Variants in OVCH1 observed in about 807,000 individuals in gnomAD.
OVCH1 encodes ovochymase 1.
OVCH1 carries 139 observed loss-of-function variants against 138.4 expected under a neutral mutation model. The ratio of observed to expected loss-of-function variants is 1.00; its 90% CI spans 0.87 to 1.16. The LOEUF is 1.16. Among genes scored for constraint, OVCH1 ranks in the 50% most tolerant of loss-of-function variants. The pLI is 0.00. For synonymous variants in OVCH1, 453 were observed against 467.8 expected (o/e 0.97, Z 0.41); for missense variants, 1,367 against 1,357.9 (o/e 1.01, Z -0.11).
chr12:29,496,677 G>A lies in OVCH1; in HGVS notation c.65-3C>T. On this transcript the variant is annotated splice_region_variant and splice_polypyrimidine_tract_variant and intron_variant, in intron 1 of 27. Coordinates refer to ENST00000318184, the Ensembl canonical transcript of OVCH1. The stretch of plus-strand genomic sequence containing the variant: ...CATGCGAATTCCACACTTCAGTCCT[G>A]TGTAGAAGAGCATGTGTGTGTGCAC... 1 of 1,593,114 alleles carries A rather than the reference G, an allele frequency of 6.3e-7. No individual in the cohort carries two copies. The highest frequency in any genetic ancestry group is 8.6e-7 in the Non-Finnish European group (1 of 1,163,312).
chr12:29,450,039 C>A (rs952685239), intron 22 of OVCH1, among the ~76,000 whole-genome samples: 2 of 152,020 alleles, frequency 1.3e-5, no homozygotes, highest in East Asian at 3.9e-4. Context: ...AAGACTTAAA[C>A]GTAAGACCTA....
At chr12:29,477,197 C>T in exon 12 of OVCH1, 3 of 1,613,826 alleles carry the variant, frequency 1.9e-6, no homozygotes, top group Non-Finnish European at 2.5e-6. Context: ...TTTGTCCCTT[C>T]TTCTACCAAT....
At chr12:29,435,655 C>A (rs922040657) in intron 26 of OVCH1, among the ~76,000 whole-genome samples, 3 of 152,146 alleles carry the variant, frequency 2.0e-5, no homozygotes, top group African/African-American at 7.2e-5. Context: ...CACCCGGAGG[C>A]CCCGTGACTT....
intron 26 of OVCH1, among the ~76,000 whole-genome samples, chr12:29,436,681 T>C (rs1941366897): frequency 6.6e-6 from 1 of 151,200 alleles, no homozygotes; most frequent in African/African-American, 2.5e-5. Flanking sequence ...TCTTGCTGAC[T>C]TCAGGAGTGA....
the OVCH1 span, among the ~76,000 whole-genome samples, chr12:29,403,440 C>G: frequency 2.0e-5 from 3 of 152,184 alleles, no homozygotes; most frequent in African/African-American, 7.2e-5. Context: ...TTCTTAGAAA[C>G]CAAATGATAC....
intron 27 of OVCH1, among the ~76,000 whole-genome samples, chr12:29,433,361 C>T (rs1941303421): frequency 6.6e-6 from 1 of 152,180 alleles, no homozygotes; most frequent in Admixed American, 6.5e-5. Context: ...AGCACACGCT[C>T]TCTTGCCTGC....
At chr12:29,479,489 A>G (rs1942854933) in intron 8 of OVCH1, among the ~76,000 whole-genome samples, 1 of 152,238 alleles carries the variant, frequency 6.6e-6, no homozygotes, top group Non-Finnish European at 1.5e-5. Context: ...TTGAGATAGT[A>G]GTCTTATGTA....
chr12:29,420,487 T>TAAAATGAAAAACTA (rs1482021829), intron 3 of OVCH1, among the ~76,000 whole-genome samples: 4,333 of 38,748 alleles, frequency 0.11, 1,870 homozygotes, highest in Admixed American at 0.13. Flanking sequence ...AAGCAGCTTT[T>TAAAATGAAAAACTA]TTTTTTTTTT....
intron 5 of OVCH1, 24 bp from the exon 6 acceptor site, chr12:29,489,795 T>C: frequency 6.3e-7 from 1 of 1,598,128 alleles, no homozygotes; most frequent in South Asian, 1.1e-5. Context: ...ACAGATAAGT[T>C]AGCACACAAT....
chr12:29,481,695 ACT>A (rs923522413), intron 8 of OVCH1, among the ~76,000 whole-genome samples: 4 of 152,012 alleles, frequency 2.6e-5, no homozygotes, highest in Admixed American at 6.5e-5. Flanking sequence ...GTTGACTCTC[ACT>A]CTCTCTCTGT....
Position 29,486,351 on chromosome 12 carries a change from G to A in OVCH1, c.893-3C>T. 2 of 1,605,290 alleles carry A rather than the reference G, an allele frequency of 1.2e-6. No individual in the cohort carries two copies. The highest frequency in any genetic ancestry group is 1.7e-6 in the Non-Finnish European group (2 of 1,172,782). Reference sequence around the variant, plus strand: ...GAGGGGTTGGCCCCGATCCAAACCTGTAAAAGGTATAAGGAGTTAGTGCCT... The same window carrying A: ...GAGGGGTTGGCCCCGATCCAAACCTATAAAAGGTATAAGGAGTTAGTGCCT... On this transcript the variant is annotated splice_region_variant and splice_polypyrimidine_tract_variant and intron_variant, in intron 7 of 27. Transcript: ENST00000318184.
chr12:29,497,114 TA>T (rs747921493), intron 1 of OVCH1, among the ~76,000 whole-genome samples: 16 of 151,912 alleles, frequency 1.1e-4, no homozygotes, highest in Non-Finnish European at 2.4e-4. Context: ...CAAAAAAATG[TA>T]AAAATTAGCC....
intron 21 of OVCH1, among the ~76,000 whole-genome samples, chr12:29,452,227 A>C (rs2135945631): frequency 6.6e-6 from 1 of 152,344 alleles, no homozygotes; most frequent in East Asian, 1.9e-4. Flanking sequence ...TTCTATATTC[A>C]TATTTTAATG....
downstream of OVCH1, among the ~76,000 whole-genome samples, chr12:29,427,018 A>G (rs1248002670): frequency 6.6e-6 from 1 of 152,224 alleles, no homozygotes; most frequent in African/African-American, 2.4e-5. Flanking sequence ...ACTCCAGATC[A>G]GCCTTCAAAT....
chr12:29,435,015 AG>A (rs1360834091), intron 26 of OVCH1, among the ~76,000 whole-genome samples: 1 of 152,238 alleles, frequency 6.6e-6, no homozygotes, highest in Non-Finnish European at 1.5e-5. Flanking sequence ...CTGGGTCCTC[AG>A]GGAACTAAAA....
chr12:29,476,765 A>G (rs879756796), intron 12 of OVCH1, among the ~76,000 whole-genome samples: 23,194 of 53,746 alleles, frequency 0.43, 2,238 homozygotes, highest in South Asian at 0.52. Flanking sequence ...GCACACACAC[A>G]CACACACACA....
chr12:29,409,145 C>G (rs369235282), downstream of OVCH1, among the ~76,000 whole-genome samples: 116 of 151,974 alleles, frequency 7.6e-4, no homozygotes, highest in African/African-American at 2.7e-3. Flanking sequence ...CTGTGGGATC[C>G]GTGGTGATAT....
At chr12:29,408,840 A>T (rs1940916268), downstream of OVCH1, among the ~76,000 whole-genome samples, 1 of 151,878 alleles carries the variant, frequency 6.6e-6, no homozygotes, top group South Asian at 2.1e-4. Context: ...GTTAGGGAGG[A>T]TTCCCTCTTT....
chr12:29,494,985 TATGA>T (rs1318624127), intron 4 of OVCH1, among the ~76,000 whole-genome samples: 1 of 152,200 alleles, frequency 6.6e-6, no homozygotes, highest in Non-Finnish European at 1.5e-5. Flanking sequence ...GATTTGATTA[TATGA>T]ATGTATCAAA....
Sources: allele counts gnomAD v4.1 joint callset (sites outside exome capture counted in the v4.1 genomes callset), GRCh38; gene constraint gnomAD v4.1.1; transcripts MANE v1.5; gene names NCBI Gene and HGNC (gene_info 2026-07-23, HGNC 2026-07-21).